Variants in KDM6A observed in about 807,000 individuals in gnomAD.
The protein encoded by KDM6A is lysine demethylase 6A, also known as lysine-specific demethylase 6A.
Under a neutral mutation model 117.6 loss-of-function variants are expected in KDM6A, and 11 were observed. That is an observed-to-expected ratio of 0.09 (90% CI 0.06 to 0.15). KDM6A has a LOEUF of 0.15. Among genes scored for constraint, KDM6A ranks in the 10% least tolerant of loss-of-function variants. KDM6A has a pLI of 1.00. For missense variants in KDM6A, 799 were observed against 1,077.3 expected, an observed-to-expected ratio of 0.74 and a Z score of 3.62; for synonymous variants, 384 against 396.1, an observed-to-expected ratio of 0.97 and a Z score of 0.36.
chrX:44,881,526 TTGCAACTTTCTTCTA>T (rs1210084907), intron 2 of KDM6A, among the ~76,000 whole-genome samples: 3 of 111,938 alleles, frequency 2.7e-5, no homozygotes, highest in Non-Finnish European at 5.6e-5. Flanking sequence ...TGTAGACTGC[TTGCAACTTTCTTCTA>T]TAAGCTTTTA....
intron 10 of KDM6A, among the ~76,000 whole-genome samples, chrX:45,054,165 G>A (rs1282578574): frequency 1.8e-5 from 2 of 111,699 alleles, no homozygotes; most frequent in Non-Finnish European, 3.8e-5. Context: ...CTAGCAGGAC[G>A]TTTCTTATTT....
chrX:45,072,858 A>T (rs995623149), intron 18 of KDM6A, among the ~76,000 whole-genome samples: 4 of 104,519 alleles, frequency 3.8e-5, no homozygotes, highest in African/African-American at 1.1e-4. Context: ...TATTTAAAAA[A>T]ATATAATAAT....
chrX:44,971,277 A>G (rs1440448171), intron 3 of KDM6A, among the ~76,000 whole-genome samples: 1 of 112,031 alleles, frequency 8.9e-6, no homozygotes, highest in East Asian at 2.8e-4. Context: ...CTTCACCACA[A>G]CTGGAAAAAT....
intron 2 of KDM6A, among the ~76,000 whole-genome samples, chrX:44,883,959 G>A (rs1326612538): frequency 1.8e-5 from 2 of 108,866 alleles, no homozygotes; most frequent in African/African-American, 6.7e-5. Context: ...AAAATTAACC[G>A]GGTGTGGTGG....
rs2147985031 is a variant in KDM6A, at chrX:45,062,678, A to G, written c.1613A>G (p.Asn538Ser). ...HLEQLRANRNNLNPAQKLMLE... is the reference protein window; with the variant it reads ...HLEQLRANRNSLNPAQKLMLE... ...GAACAGCTCCGCGCAAATAGAAATA[A>G]TTTAAATCCAGCACAGAAACTGATG... Residue 538 changes from asparagine to serine, a missense_variant, in exon 16 of 30, where the codon AAT becomes AGT. Asn to Ser is a conservative substitution (Grantham distance 46). This residue lies in a region of KDM6A where 301 missense variants were observed against 318.3 expected (regional missense o/e 0.95). Coordinates refer to ENST00000611820, the MANE Select transcript of KDM6A (RefSeq NM_001291415.2). 1 of 1,208,647 alleles carries G rather than the reference A, an allele frequency of 8.3e-7. No individual in the cohort carries two copies. The highest frequency in any genetic ancestry group is 1.8e-5 in the South Asian group (1 of 56,872).
intron 2 of KDM6A, among the ~76,000 whole-genome samples, chrX:44,931,965 A>T (rs1219747526): frequency 1.8e-5 from 2 of 108,579 alleles, no homozygotes; most frequent in African/African-American, 6.7e-5. Flanking sequence ...CGAGAAATGG[A>T]TGCCTGCTTG....
At position 44,978,696 on chromosome X, in the gene KDM6A, A is replaced by G. The variant is rs200014237; in HGVS notation, c.384+3981A>G. On this transcript the variant is annotated intron_variant, in intron 4 of 29. Coordinates refer to ENST00000611820, the MANE Select transcript of KDM6A (RefSeq NM_001291415.2). Reference sequence around the variant, plus strand: ...CTTAAATAGTTGTATAACCATTACCATAATGAAGATATAGAACATTTTCCA... The same window carrying G: ...CTTAAATAGTTGTATAACCATTACCGTAATGAAGATATAGAACATTTTCCA... 7.1e-5 allele frequency among the ~76,000 whole-genome samples: 8 copies of G among 112,281 alleles called. No homozygotes were observed. In the East Asian group the frequency reaches 1.9e-3, roughly 27 times the overall value.
At chrX:45,051,624 T>C in intron 8 of KDM6A, 85 bp from the exon 9 acceptor site, 1 of 522,757 alleles carries the variant, frequency 1.9e-6, no homozygotes, top group South Asian at 3.1e-5. Context: ...TGCTAAAACA[T>C]CAGTATTGTA....
chrX:45,062,366 G>C (rs1338858484), intron 15 of KDM6A, among the ~76,000 whole-genome samples: 1 of 112,285 alleles, frequency 8.9e-6, no homozygotes, highest in Non-Finnish European at 1.9e-5. Context: ...AGTTTTCTCT[G>C]TGAATACCTA....
intron 4 of KDM6A, among the ~76,000 whole-genome samples, chrX:45,000,849 T>C (rs938034559): frequency 8.9e-6 from 1 of 112,656 alleles, no homozygotes; most frequent in Non-Finnish European, 1.9e-5. Context: ...AGAGCTACCA[T>C]GCAGCCCACA....
intron 24 of KDM6A, among the ~76,000 whole-genome samples, chrX:45,084,933 G>A (rs969015968): frequency 8.9e-6 from 1 of 111,790 alleles, no homozygotes. Flanking sequence ...TCAGATCCAG[G>A]CATGAGGGTA....
At position 45,090,629 on chromosome X, in the gene KDM6A, T is replaced by C. The variant is rs778120648; in HGVS notation, c.3893-94T>C. The stretch of plus-strand genomic sequence containing the variant: ...TATAGTGTTTTGAGGTTTTCAGAAT[T>C]GATGTTGAAGATATCACCTGAGCAG... On this transcript the variant is annotated intron_variant, in intron 26 of 29. Coordinates refer to ENST00000611820, the MANE Select transcript of KDM6A (RefSeq NM_001291415.2). 52 of 929,127 alleles carry C rather than the reference T, an allele frequency of 5.6e-5. No individual in the cohort carries two copies. In the East Asian group the frequency reaches 1.4e-3, roughly 24 times the overall value. The allele number at this position is 929,127 out of a possible 1,213,427, so 76.6% of individuals were successfully genotyped here.
intron 27 of KDM6A, among the ~76,000 whole-genome samples, chrX:45,098,683 G>A (rs2046212141): frequency 8.9e-6 from 1 of 112,056 alleles, no homozygotes; most frequent in African/African-American, 3.2e-5. Flanking sequence ...TACATTTGTA[G>A]CCCTCAGCTG....
chrX:44,937,638 C>T (rs1211464406), intron 2 of KDM6A, among the ~76,000 whole-genome samples: 2 of 111,737 alleles, frequency 1.8e-5, no homozygotes, highest in Non-Finnish European at 3.8e-5. Context: ...TCCCTGGTCT[C>T]TCTCCCTCTC....
At chrX:44,897,553 G>GAGAACTGT (rs2033995840) in intron 2 of KDM6A, among the ~76,000 whole-genome samples, 1 of 110,302 alleles carries the variant, frequency 9.1e-6, no homozygotes, top group African/African-American at 3.3e-5. Context: ...TACATATTTT[G>GAGAACTGT]AGAACTGTGC....
chrX:45,054,018 A>T, intron 10 of KDM6A, 63 bp downstream of exon 10: 1 of 1,089,040 alleles, frequency 9.2e-7, no homozygotes, highest in East Asian at 3.0e-5. Context: ...TTGAATTACA[A>T]TTTAAAATGT....
intron 5 of KDM6A, among the ~76,000 whole-genome samples, chrX:45,013,254 G>T (rs962548382): frequency 9.0e-6 from 1 of 111,523 alleles, no homozygotes; most frequent in East Asian, 2.8e-4. Context: ...AGATTGAGAG[G>T]TGGTTATTAT....
intron 4 of KDM6A, among the ~76,000 whole-genome samples, chrX:44,978,556 G>C (rs376563570): frequency 8.9e-6 from 1 of 112,052 alleles, no homozygotes; most frequent in African/African-American, 3.2e-5. Flanking sequence ...TAATTAACTT[G>C]TCTAGCTTCA....
At chrX:45,028,030 C>T (rs746607344) in intron 6 of KDM6A, among the ~76,000 whole-genome samples, 31 of 110,731 alleles carry the variant, frequency 2.8e-4, no homozygotes, top group Non-Finnish European at 5.3e-4. Flanking sequence ...TGATCTTAGG[C>T]GATCCGCCTG....
Sources: gnomAD v4.1 joint callset for allele counts (sites outside exome capture counted in the v4.1 genomes callset) on GRCh38, gnomAD v4.1.1 for gene constraint, gnomAD v4.1.1 regional missense constraint, MANE v1.5 for transcripts, NCBI Gene and HGNC (gene_info 2026-07-23, HGNC 2026-07-21) for gene names.